The following ARHGAP32 variants were observed in gnomAD, a reference collection of about 807,000 sequenced individuals.
ARHGAP32 encodes the protein Rho GTPase activating protein 32.
ARHGAP32 carries 51 observed loss-of-function variants against 186.5 expected under a neutral mutation model. That is an observed-to-expected ratio of 0.27 (90% CI 0.22 to 0.35). The LOEUF is 0.35. Among genes scored for constraint, ARHGAP32 ranks in the 10% least tolerant of loss-of-function variants. ARHGAP32 has a pLI of 1.00. For missense variants in ARHGAP32, 2,186 were observed against 2,623.5 expected (o/e 0.83, Z 3.64); for synonymous variants, 950 against 964.3 (o/e 0.99, Z 0.27).
chr11:129,086,314 T>C (rs952207996), intron 6 of ARHGAP32, among the ~76,000 whole-genome samples: 2 of 152,022 alleles, frequency 1.3e-5, no homozygotes, highest in African/African-American at 2.4e-5. Context: ...GAATGTAAAA[T>C]ACAGAACTAT....
intron 3 of ARHGAP32, among the ~76,000 whole-genome samples, chr11:129,124,350 TTTGGA>T (rs1164416103): frequency 6.6e-5 from 10 of 152,164 alleles, no homozygotes; most frequent in African/African-American, 2.4e-4. Context: ...AGTTTCACAT[TTTGGA>T]GCACTTTGGA....
At chr11:129,029,744 G>A (rs1939020753) in intron 11 of ARHGAP32, among the ~76,000 whole-genome samples, 1 of 140,830 alleles carries the variant, frequency 7.1e-6, no homozygotes, top group Non-Finnish European at 1.5e-5. Flanking sequence ...GGAGCTTGCA[G>A]TGAGCCGAGA....
intron 6 of ARHGAP32, among the ~76,000 whole-genome samples, chr11:129,067,643 C>T (rs1429738100): frequency 1.2e-4 from 18 of 152,030 alleles, no homozygotes; most frequent in Non-Finnish European, 1.5e-4. Flanking sequence ...CCTTCAAAAG[C>T]TCCTGTGGTG....
intron 1 of ARHGAP32, among the ~76,000 whole-genome samples, chr11:129,259,036 G>A (rs778157523): frequency 6.6e-6 from 1 of 152,250 alleles, no homozygotes; most frequent in African/African-American, 2.4e-5. Flanking sequence ...TAGTCATAAA[G>A]AGAACTACCT....
At chr11:129,191,249 T>C (rs1485524838) in intron 1 of ARHGAP32, among the ~76,000 whole-genome samples, 1 of 152,050 alleles carries the variant, frequency 6.6e-6, no homozygotes, top group African/African-American at 2.4e-5. Flanking sequence ...GTGGCAGTGA[T>C]AATATGCAGC....
chr11:129,062,211 C>A, intron 10 of ARHGAP32, 69 bp downstream of exon 10: 2 of 1,381,462 alleles, frequency 1.4e-6, no homozygotes, highest in Non-Finnish European at 1.0e-6. Flanking sequence ...CACATGTAAA[C>A]AAAAGTATTA....
At chr11:129,150,122 A>AC in intron 2 of ARHGAP32, among the ~76,000 whole-genome samples, 1 of 150,620 alleles carries the variant, frequency 6.6e-6, no homozygotes, top group South Asian at 2.1e-4. Context: ...GACAAAAAAA[A>AC]AAAAAAAGAA....
Position 128,988,043 on chromosome 11 carries a change from G to C in ARHGAP32, c.1278C>G (p.Ala426=). ...TTTACCGTAGTCTCTGGATATTGGA[G>C]GCAACACCAGAAAGGCGATAGATTC... ...VDGIYRLSGV[A]SNIQRLRHEF... The change falls in exon 13 of 23, where the codon GCC becomes GCG. Residue 426 remains alanine (A), a synonymous_variant. Transcript: ENST00000682385. 6.2e-7 allele frequency: 1 copy of C among 1,612,592 alleles called. No individual in the cohort carries two copies. The highest frequency in any genetic ancestry group is 8.5e-7 in the Non-Finnish European group (1 of 1,178,878).
At chr11:129,142,731 A>C (rs1318891135) in intron 2 of ARHGAP32, among the ~76,000 whole-genome samples, 3 of 149,308 alleles carry the variant, frequency 2.0e-5, no homozygotes, top group African/African-American at 7.4e-5. Flanking sequence ...AAAAAAAAAA[A>C]CCACTAAAAT....
At chr11:129,171,445 T>G (rs1943758438) in intron 1 of ARHGAP32, among the ~76,000 whole-genome samples, 1 of 152,202 alleles carries the variant, frequency 6.6e-6, no homozygotes, top group Non-Finnish European at 1.5e-5. Context: ...TCCCATTGTT[T>G]GTTTTTGTCA....
rs1428495652 is a variant in ARHGAP32 at position 128,968,832 on chromosome 11, T to C, written c.*75A>G. 1 of 1,172,434 alleles carries C rather than the reference T, an allele frequency of 8.5e-7. No individual in the cohort carries two copies. Among genetic ancestry groups the C allele is most frequent in the African/African-American group, 1.6e-5 (1 of 63,918 alleles). The allele number at this position is 1,172,434 out of a possible 1,614,324, so 72.6% of individuals were successfully genotyped here. A position where few individuals can be genotyped will look rare whatever the true frequency, so the allele number is the denominator to read the frequency against. Reference sequence around the variant, plus strand: ...GGGTTTTATAGTATTTTTTGTTTAATCTTTTTGGTTATTGAAAAAAATAGA... The same window carrying C: ...GGGTTTTATAGTATTTTTTGTTTAACCTTTTTGGTTATTGAAAAAAATAGA... On this transcript the variant is annotated 3_prime_UTR_variant, in exon 23 of 23. Transcript: ENST00000682385.
At chr11:129,239,215 T>C (rs1241109528) in intron 1 of ARHGAP32, among the ~76,000 whole-genome samples, 1 of 152,186 alleles carries the variant, frequency 6.6e-6, no homozygotes, top group Non-Finnish European at 1.5e-5. Context: ...ACTTTCCTAT[T>C]TCCTATATAG....
chr11:129,190,293 C>T (rs1213749895), intron 1 of ARHGAP32, among the ~76,000 whole-genome samples: 1 of 152,218 alleles, frequency 6.6e-6, no homozygotes, highest in Non-Finnish European at 1.5e-5. Flanking sequence ...TCTGCTGCCA[C>T]ATTTCCTCAT....
chr11:129,258,443 A>C (rs1443907937), intron 1 of ARHGAP32, among the ~76,000 whole-genome samples: 1 of 152,130 alleles, frequency 6.6e-6, no homozygotes, highest in African/African-American at 2.4e-5. Flanking sequence ...TGCTATCTGC[A>C]GCAGTATGTG....
At chr11:129,160,852 T>C (rs145032611) in intron 2 of ARHGAP32, among the ~76,000 whole-genome samples, 19,842 of 151,968 alleles carry the variant, frequency 0.13, 1,416 homozygotes, top group Non-Finnish European at 0.16. Flanking sequence ...ATAGCCAAGA[T>C]AATCCTAAGC....
intron 6 of ARHGAP32, among the ~76,000 whole-genome samples, chr11:129,071,684 C>T (rs1940871502): frequency 1.3e-5 from 2 of 152,032 alleles, no homozygotes; most frequent in Admixed American, 1.3e-4. Context: ...AATAGAATTA[C>T]CATATGACTC....
chr11:129,100,524 G>A (rs1009690334), intron 5 of ARHGAP32, among the ~76,000 whole-genome samples: 4 of 152,100 alleles, frequency 2.6e-5, no homozygotes, highest in African/African-American at 9.7e-5. Context: ...ACATCACTTT[G>A]CTGGCACATG....
chr11:129,024,075 A>T lies in ARHGAP32; in HGVS notation c.1045+16853T>A, dbSNP rs1299981366. The T allele has an allele frequency of 4.1e-6, 4 of 985,422 alleles. No individual in the cohort carries two copies. In the African/African-American group the frequency reaches 7.0e-5, roughly 17 times the overall value. The allele number at this position is 985,422 out of a possible 1,614,324, so 61.0% of individuals were successfully genotyped here. On this transcript the variant is annotated intron_variant, in intron 11 of 22. Transcript: ENST00000682385. The stretch of plus-strand genomic sequence containing the variant: ...TCCAGCTGTTTTCAGGACCCCCTGC[A>T]GCAGCAGTTTTCTTGGCCCTGTTTT...
rs375811200 is a variant in ARHGAP32, at chr11:129,124,888, C to T, written c.232G>A (p.Gly78Ser). ...WEETLSAMAR[G>S]ADVPEIPGDL... is the part of the protein sequence containing the mutation. ...CCAGGAATCTCTGGAACATCTGCGC[C>T]TCTTGCCTTAAAAAATAAAGACAAA... The change falls in exon 3 of 23, where the codon GGC becomes AGC. Residue 78 changes from glycine (G) to serine (S), a missense_variant. Physicochemically the swap from Gly to Ser is moderately conservative, Grantham distance 56 (BLOSUM62 0). This residue lies in a region of ARHGAP32 where 108 missense variants were observed against 116.8 expected (regional missense o/e 0.92). Coordinates refer to ENST00000682385, the MANE Select transcript of ARHGAP32 (RefSeq NM_001378024.1). 4 of 1,604,478 alleles carry T rather than the reference C, an allele frequency of 2.5e-6. No individual in the cohort carries two copies. The African/African-American group carries it at 4.0e-5, about 16-fold the overall frequency.
Sources: gnomAD v4.1 joint callset for allele counts (sites outside exome capture counted in the v4.1 genomes callset) on GRCh38, gnomAD v4.1.1 for gene constraint, gnomAD v4.1.1 regional missense constraint, MANE v1.5 for transcripts, NCBI Gene and HGNC (gene_info 2026-07-23, HGNC 2026-07-21) for gene names.